The following SCP2 variants were observed in gnomAD, a reference collection of about 807,000 sequenced individuals.
The protein encoded by SCP2 is SCP-2/3-oxoacyl-CoA thiolase.
SCP2 carries 48 observed loss-of-function variants against 71.4 expected under a neutral mutation model. That is an observed-to-expected ratio of 0.67 (90% CI 0.53 to 0.86). The LOEUF (loss-of-function observed/expected upper bound fraction) is 0.86, where lower values mean the gene tolerates loss of function less well. SCP2 is among the 40% of genes least tolerant of loss of function. SCP2 has a pLI of 0.00. For synonymous variants in SCP2, 220 were observed against 218.1 expected (o/e 1.01, Z -0.08); for missense variants, 560 against 655.6 (o/e 0.85, Z 1.59).
chr1:53,049,981 T>C (rs1664098442), intron 15 of SCP2: 2 of 152,334 alleles, frequency 1.3e-5, no homozygotes, highest in Non-Finnish European at 2.9e-5. Context: ...TTTTGCTGTT[T>C]CTCTTAAGTT....
At chr1:53,003,809 G>A (rs1222810663) in intron 11 of SCP2, among the ~76,000 whole-genome samples, 1 of 152,154 alleles carries the variant, frequency 6.6e-6, no homozygotes, top group African/African-American at 2.4e-5. Context: ...TTACAGGCGT[G>A]AGTCACCACA....
chr1:52,932,135 G>C (rs1463475473), intron 1 of SCP2, among the ~76,000 whole-genome samples: 1 of 151,990 alleles, frequency 6.6e-6, no homozygotes, highest in Non-Finnish European at 1.5e-5. Context: ...TCTAGAAAAA[G>C]AACTGAGAAC....
Position 53,015,058 on chromosome 1 carries a change from G to C in SCP2, c.1235+15G>C, listed in dbSNP as rs775711695. 2.5e-6 allele frequency: 4 copies of C among 1,612,572 alleles called. No individual in the cohort carries two copies. The highest frequency in any genetic ancestry group is 3.4e-6 in the Non-Finnish European group (4 of 1,178,720). ...GAAGCCGCCAGGTGAGTGACATTCA[G>C]AGTTTTGTGTGTCAGTTAATCCTTC... is the stretch of plus-strand genomic sequence containing the variant. On this transcript the variant is annotated intron_variant, in intron 12 of 15. Transcript: ENST00000371514.
chr1:52,951,885 T>G (rs796383431), intron 4 of SCP2, among the ~76,000 whole-genome samples: 31 of 151,898 alleles, frequency 2.0e-4, no homozygotes, highest in African/African-American at 7.5e-4. Context: ...CCTGGCTAAT[T>G]TTTTTGTATT....
chr1:52,970,787 G>C (rs1281162368), intron 6 of SCP2, among the ~76,000 whole-genome samples: 1 of 151,612 alleles, frequency 6.6e-6, no homozygotes, highest in Non-Finnish European at 1.5e-5. Flanking sequence ...AGAAACGTGA[G>C]CAGTTGTTGG....
At chr1:53,012,103 C>T (rs115429735) in intron 11 of SCP2, among the ~76,000 whole-genome samples, 2,364 of 152,270 alleles carry the variant, frequency 0.016, 70 homozygotes, top group African/African-American at 0.054. Flanking sequence ...ACTACTATAA[C>T]TTCCCTTCAC....
intron 6 of SCP2, among the ~76,000 whole-genome samples, chr1:52,973,759 G>A (rs987327374): frequency 6.6e-6 from 1 of 151,928 alleles, no homozygotes; most frequent in Non-Finnish European, 1.5e-5. Flanking sequence ...TTTTTACTAC[G>A]CCTGGCTAAT....
intron 1 of SCP2, among the ~76,000 whole-genome samples, chr1:52,938,983 C>T (rs970587272): frequency 6.6e-6 from 1 of 152,210 alleles, no homozygotes; most frequent in African/African-American, 2.4e-5. Context: ...CTGGCAACCA[C>T]TGATCTTTTT....
In SCP2 at chr1:53,017,349, A is replaced by G. The variant is rs114492317; in HGVS notation, c.1235+2306A>G. On this transcript the variant is annotated intron_variant, in intron 12 of 15. Transcript: ENST00000371514. ...GCCCAAAAATGTTCCTTGTGCACCCATGTAGTCAACCCTTCTCCTTCTCTT... is the reference window on the plus strand; with the variant it reads ...GCCCAAAAATGTTCCTTGTGCACCCGTGTAGTCAACCCTTCTCCTTCTCTT... 6.2e-3 allele frequency among the ~76,000 whole-genome samples: 950 copies of G among 152,294 alleles called. 16 individuals are homozygous for G. The highest frequency in any genetic ancestry group is 0.022 in the African/African-American group (913 of 41,574).
In SCP2 at chr1:52,937,247, T is replaced by C. The variant is rs555928560; in HGVS notation, c.70-4549T>C. 2.8e-4 allele frequency among the ~76,000 whole-genome samples: 43 copies of C among 152,286 alleles called. 1 individual carries two copies. The highest frequency in any genetic ancestry group is 9.6e-4 in the African/African-American group (40 of 41,572). ...ACATGTCAGTTTCTAACAAGAAATATCTGAAAGAATTGAAAGTGGATGTTT... is the reference window on the plus strand; with the variant it reads ...ACATGTCAGTTTCTAACAAGAAATACCTGAAAGAATTGAAAGTGGATGTTT... On this transcript the variant is annotated intron_variant, in intron 1 of 15. Coordinates refer to ENST00000371514, the MANE Select transcript of SCP2 (RefSeq NM_002979.5).
intron 3 of SCP2, among the ~76,000 whole-genome samples, 196 bp from the exon 4 acceptor site, chr1:52,950,559 T>G (rs982323848): frequency 1.3e-5 from 2 of 152,234 alleles, no homozygotes; most frequent in Non-Finnish European, 2.9e-5. Flanking sequence ...ATAAAGAAAG[T>G]GCACATATAT....
At chr1:52,995,706 G>C (rs1557596103) in intron 11 of SCP2, 1 of 753,506 alleles carries the variant, frequency 1.3e-6, no homozygotes, top group African/African-American at 1.7e-5. Flanking sequence ...CAGAACAGCA[G>C]CTACTTTGTG....
intron 1 of SCP2, among the ~76,000 whole-genome samples, chr1:52,935,252 G>T (rs572986212): frequency 1.3e-4 from 19 of 150,842 alleles, no homozygotes; most frequent in African/African-American, 4.4e-4. Flanking sequence ...GGCAACAAGA[G>T]CAAAACTCCG....
At chr1:53,038,373 C>T (rs909115835) in intron 13 of SCP2, among the ~76,000 whole-genome samples, 1 of 152,050 alleles carries the variant, frequency 6.6e-6, no homozygotes, top group African/African-American at 2.4e-5. Context: ...TGCCCTGTCC[C>T]TCCTTCCCTT....
chr1:53,011,474 T>C lies in SCP2; in HGVS notation c.1082-3416T>C, dbSNP rs182111581. 2.4e-3 allele frequency among the ~76,000 whole-genome samples: 372 copies of C among 152,348 alleles called. 1 individual carries two copies. The highest frequency in any genetic ancestry group is 0.017 in the Middle Eastern group (5 of 294). ...GTTTGATACATGTTCGAATGGTTTA[T>C]TTTTAGAAGCAACCAGATTGTATAC... On this transcript the variant is annotated intron_variant, in intron 11 of 15. Transcript: ENST00000371514.
intron 6 of SCP2, among the ~76,000 whole-genome samples, chr1:52,964,198 T>G (rs1373927968): frequency 6.6e-6 from 1 of 151,198 alleles, no homozygotes; most frequent in Non-Finnish European, 1.5e-5. Flanking sequence ...GTTTGTCAAA[T>G]TTTTTTCTTT....
rs371394500 is a variant in SCP2, at chr1:53,005,563, A to T, written c.1082-9327A>T. On this transcript the variant is annotated intron_variant, in intron 11 of 15. Transcript: ENST00000371514. ...AACAGACCTGCAGCTGAGGGTCCTG[A>T]CTGTTAGAAGGAAAATTAACAAACA... Among the ~76,000 whole-genome samples the T allele has an allele frequency of 4.5e-4, 69 of 152,332 alleles. No individual in the cohort carries two copies. The East Asian group carries it at 0.012, about 26-fold the overall frequency.
chr1:53,028,570 T>C (rs917464595), intron 13 of SCP2, among the ~76,000 whole-genome samples: 1 of 152,144 alleles, frequency 6.6e-6, no homozygotes, highest in Non-Finnish European at 1.5e-5. Context: ...ATTTAAAAAA[T>C]ACTATACAGA....
chr1:53,033,985 C>T (rs1420981712), intron 13 of SCP2, among the ~76,000 whole-genome samples: 3 of 151,970 alleles, frequency 2.0e-5, no homozygotes, highest in African/African-American at 4.8e-5. Flanking sequence ...TGAAGGAGGC[C>T]GGGCATGGTG....
Sources: allele counts gnomAD v4.1 joint callset (sites outside exome capture counted in the v4.1 genomes callset), GRCh38; gene constraint gnomAD v4.1.1; transcripts MANE v1.5; gene names NCBI Gene and HGNC (gene_info 2026-07-23, HGNC 2026-07-21).